Variants in LRRIQ1 observed in about 807,000 individuals in gnomAD.
The protein encoded by LRRIQ1 is leucine rich repeats and IQ motif containing 1, also known as leucine-rich repeat- and IQ domain-containing protein 1.
Under a neutral mutation model 211.9 loss-of-function variants are expected in LRRIQ1, and 210 were observed. The ratio of observed to expected loss-of-function variants is 0.99; its 90% confidence interval spans 0.89 to 1.11. The LOEUF is 1.11. Ranked by LOEUF, LRRIQ1 falls within the 50% of genes most tolerant of loss-of-function variation. The pLI is 0.00. For synonymous variants in LRRIQ1, 699 were observed against 650.1 expected, an observed-to-expected ratio of 1.08 and a Z score of -1.14; for missense variants, 2,136 against 1,939.5, an observed-to-expected ratio of 1.10 and a Z score of -1.90.
chr12:85,238,309 C>T (rs543662151), intron 26 of LRRIQ1, among the ~76,000 whole-genome samples: 228 of 151,738 alleles, frequency 1.5e-3, no homozygotes, highest in Middle Eastern at 3.4e-3. Context: ...GTTGACTTTC[C>T]GGAAGAGAGA....
intron 26 of LRRIQ1, among the ~76,000 whole-genome samples, chr12:85,236,063 T>A (rs898426319): frequency 6.6e-6 from 1 of 152,104 alleles, no homozygotes; most frequent in Non-Finnish European, 1.5e-5. Context: ...GTTTACTAAA[T>A]GGCATTGAAA....
intron 20 of LRRIQ1, among the ~76,000 whole-genome samples, chr12:85,152,781 A>G (rs1890323323): frequency 6.6e-6 from 1 of 151,628 alleles, no homozygotes; most frequent in Non-Finnish European, 1.5e-5. Flanking sequence ...TAGTTTTCTG[A>G]GATTTTTAAA....
chr12:85,207,904 C>A (rs1179869676), intron 24 of LRRIQ1, among the ~76,000 whole-genome samples: 2 of 152,048 alleles, frequency 1.3e-5, no homozygotes, highest in Non-Finnish European at 2.9e-5. Context: ...TATTCTTTCA[C>A]CAATACCATA....
chr12:85,107,648 A>G (rs1037355490), intron 15 of LRRIQ1, among the ~76,000 whole-genome samples: 2 of 151,214 alleles, frequency 1.3e-5, no homozygotes, highest in Non-Finnish European at 2.9e-5. Context: ...CCCTAGTAGC[A>G]CTCCAGTTTC....
intron 13 of LRRIQ1, among the ~76,000 whole-genome samples, chr12:85,100,335 A>G (rs1018931940): frequency 2.0e-5 from 3 of 151,772 alleles, no homozygotes; most frequent in Non-Finnish European, 3.0e-5. Context: ...CTCTATCAGT[A>G]TGATATGACA....
At chr12:85,183,369 A>G (rs1443113255) in intron 24 of LRRIQ1, among the ~76,000 whole-genome samples, 1 of 152,062 alleles carries the variant, frequency 6.6e-6, no homozygotes, top group African/African-American at 2.4e-5. Context: ...CCCTGACACT[A>G]CATGCCTTGT....
intron 24 of LRRIQ1, among the ~76,000 whole-genome samples, chr12:85,201,123 G>A (rs190195198): frequency 4.0e-5 from 6 of 151,846 alleles, no homozygotes; most frequent in Non-Finnish European, 7.4e-5. Flanking sequence ...GAGCCACCAC[G>A]CCTGGCCGAT....
chr12:85,248,109 A>G (rs1895785577), downstream of LRRIQ1, among the ~76,000 whole-genome samples: 1 of 151,592 alleles, frequency 6.6e-6, no homozygotes, highest in South Asian at 2.1e-4. Context: ...CAATTTCCTC[A>G]TTTAATGCTT....
At chr12:85,262,429 T>G (rs1896325866) in intron 1 of LRRIQ1, among the ~76,000 whole-genome samples, 1 of 152,194 alleles carries the variant, frequency 6.6e-6, no homozygotes, top group Non-Finnish European at 1.5e-5. Context: ...CATGAATATC[T>G]TGATATTCTA....
intron 24 of LRRIQ1, among the ~76,000 whole-genome samples, chr12:85,219,132 C>A (rs1238442747): frequency 6.6e-6 from 1 of 151,998 alleles, no homozygotes; most frequent in Admixed American, 6.6e-5. Flanking sequence ...CTTAAGCAAC[C>A]TAGGATTTTC....
intron 1 of LRRIQ1, among the ~76,000 whole-genome samples, chr12:85,262,433 T>C (rs1386260532): frequency 6.6e-6 from 1 of 152,102 alleles, no homozygotes; most frequent in African/African-American, 2.4e-5. Flanking sequence ...AATATCTTGA[T>C]ATTCTAGATC....
intron 24 of LRRIQ1, chr12:85,162,805 A>G: frequency 2.2e-6 from 1 of 455,976 alleles, no homozygotes; most frequent in Non-Finnish European, 4.4e-6. Context: ...CAGGTAAAGT[A>G]CATTTGGCAT....
At chr12:85,072,685 C>T (rs867871784) in intron 10 of LRRIQ1, among the ~76,000 whole-genome samples, 14 of 151,704 alleles carry the variant, frequency 9.2e-5, no homozygotes, top group Middle Eastern at 3.4e-3. Flanking sequence ...AAACTAAATT[C>T]TACCTTGTCC....
chr12:85,080,090 C>G (rs1267319498), intron 11 of LRRIQ1, among the ~76,000 whole-genome samples: 5 of 152,042 alleles, frequency 3.3e-5, no homozygotes, highest in Admixed American at 1.3e-4. Context: ...CCCACAAATA[C>G]ATATACGTAC....
chr12:85,152,999 A>G, intron 20 of LRRIQ1, 25 bp from the exon 21 acceptor site: 2 of 1,504,816 alleles, frequency 1.3e-6, no homozygotes, highest in South Asian at 2.5e-5. Flanking sequence ...TTTACTTCAC[A>G]CTTATTTACT....
At chr12:85,247,789 G>A (rs1895773913), downstream of LRRIQ1, among the ~76,000 whole-genome samples, 1 of 151,480 alleles carries the variant, frequency 6.6e-6, no homozygotes, top group Admixed American at 6.6e-5. Flanking sequence ...TTTTCTGTGT[G>A]TCAAAAATAA....
intron 10 of LRRIQ1, among the ~76,000 whole-genome samples, chr12:85,069,921 T>G (rs982535382): frequency 1.3e-5 from 2 of 152,196 alleles, no homozygotes; most frequent in Non-Finnish European, 2.9e-5. Flanking sequence ...TTTCTTTTGC[T>G]GTGCAGAAGC....
chr12:85,242,000 G>A (rs1246878100), intron 26 of LRRIQ1, among the ~76,000 whole-genome samples: 2 of 151,934 alleles, frequency 1.3e-5, no homozygotes, highest in African/African-American at 4.8e-5. Flanking sequence ...TGAAATTATA[G>A]GGCGGAAGTG....
At chr12:85,192,603 A>T (rs1293460709) in intron 24 of LRRIQ1, among the ~76,000 whole-genome samples, 2 of 112,418 alleles carry the variant, frequency 1.8e-5, no homozygotes, top group Non-Finnish European at 3.2e-5. Context: ...AATTGTGTAT[A>T]TATAGTTATA....
Sources: allele counts gnomAD v4.1 joint callset (sites outside exome capture counted in the v4.1 genomes callset), GRCh38; gene constraint gnomAD v4.1.1; transcripts MANE v1.5; gene names NCBI Gene and HGNC (gene_info 2026-07-23, HGNC 2026-07-21).